The following RBM33 variants were observed in gnomAD, a reference collection of about 807,000 sequenced individuals.
The protein encoded by RBM33 is RNA-binding protein 33.
RBM33 carries 28 observed loss-of-function variants against 132.6 expected under a neutral mutation model. The ratio of observed to expected loss-of-function variants is 0.21; its 90% CI spans 0.16 to 0.29. The LOEUF (loss-of-function observed/expected upper bound fraction) is 0.29, where lower values mean the gene tolerates loss of function less well. Ranked by LOEUF, RBM33 falls within the 10% of genes least tolerant of loss-of-function variation. The pLI is 1.00. For missense variants in RBM33, 1,291 were observed against 1,518.5 expected, an observed-to-expected ratio of 0.85 and a Z score of 2.49; for synonymous variants, 634 against 593.0, an observed-to-expected ratio of 1.07 and a Z score of -1.01.
At chr7:155,652,480 A>G (rs964871723) in intron 1 of RBM33, among the ~76,000 whole-genome samples, 3 of 152,246 alleles carry the variant, frequency 2.0e-5, no homozygotes, top group African/African-American at 7.2e-5. Context: ...CTAGAACCCT[A>G]TCACAAGCTA....
intron 5 of RBM33, among the ~76,000 whole-genome samples, chr7:155,685,764 C>A (rs1044154442): frequency 2.0e-5 from 3 of 152,196 alleles, no homozygotes; most frequent in African/African-American, 7.2e-5. Flanking sequence ...ACATGCAAGC[C>A]ACAAATCATT....
chr7:155,758,156 A>G (rs1385127151), intron 14 of RBM33, among the ~76,000 whole-genome samples: 1 of 152,238 alleles, frequency 6.6e-6, no homozygotes, highest in African/African-American at 2.4e-5. Flanking sequence ...TAGACATTCA[A>G]CAGATATGAG....
chr7:155,699,925 A>G (rs967685760), intron 5 of RBM33, among the ~76,000 whole-genome samples: 1 of 152,242 alleles, frequency 6.6e-6, no homozygotes, highest in African/African-American at 2.4e-5. Flanking sequence ...GATAAAAAGT[A>G]TCTAAATTAA....
intron 16 of RBM33, among the ~76,000 whole-genome samples, chr7:155,770,094 A>G (rs1802366868): frequency 6.6e-6 from 1 of 152,194 alleles, no homozygotes; most frequent in Non-Finnish European, 1.5e-5. Context: ...TTAAAATTAA[A>G]CCAGAGCAAA....
At chr7:155,749,756 C>T (rs1422916405) in intron 14 of RBM33, among the ~76,000 whole-genome samples, 2 of 152,234 alleles carry the variant, frequency 1.3e-5, no homozygotes, top group Non-Finnish European at 1.5e-5. Context: ...TGGCGAGTGG[C>T]TGGGGTTCCA....
At position 155,745,389 on chromosome 7, in the gene RBM33, T is replaced by C. The variant is rs776662166; in HGVS notation, c.2766T>C (p.Ser922=). Residue 922 remains serine (S), a synonymous_variant, in exon 14 of 18, where the codon AGT becomes AGC. Transcript: ENST00000401878. This position sits in a 1 kb window ranked among gnomAD's most constrained non-coding sequence, Gnocchi z 4.1. ...GACAGACCAGAACAGTTCCTCAAAG[T>C]CAGACTCAGCCGCTGCATAAAGTGC... is the stretch of plus-strand genomic sequence containing the variant. ...HLRQTRTVPQ[S]QTQPLHKVLP... 3 of 1,613,330 alleles carry C rather than the reference T, an allele frequency of 1.9e-6. No individual in the cohort carries two copies. The highest frequency in any genetic ancestry group is 1.7e-5 in the Admixed American group (1 of 59,932).
At chr7:155,746,224 A>T (rs1801512261) in intron 14 of RBM33, among the ~76,000 whole-genome samples, 2 of 152,172 alleles carry the variant, frequency 1.3e-5, no homozygotes, top group African/African-American at 4.8e-5. Context: ...CCTTTACACA[A>T]ATCATTTGTG....
intron 5 of RBM33, among the ~76,000 whole-genome samples, chr7:155,684,418 C>T (rs1366202219): frequency 2.6e-5 from 4 of 152,148 alleles, no homozygotes; most frequent in Non-Finnish European, 5.9e-5. Context: ...CTTGCTAATA[C>T]GCCCCTTAAG....
chr7:155,647,524 G>A (rs1236424223), intron 1 of RBM33, among the ~76,000 whole-genome samples: 1 of 151,986 alleles, frequency 6.6e-6, no homozygotes, highest in Non-Finnish European at 1.5e-5. Flanking sequence ...TTGGACTCCT[G>A]GGCTCAGTTG....
Position 155,777,298 on chromosome 7 carries a change from G to T in RBM33, c.*2257G>T, listed in dbSNP as rs998647331. On this transcript the variant is annotated 3_prime_UTR_variant, in exon 18 of 18. Transcript: ENST00000401878. ...CTCTAACTGTCTACACGTGCACATA[G>T]GCAGACTTTCTCATAGAATGTTCTT... 5.2e-5 allele frequency: 8 copies of T among 152,464 alleles called. No individual in the cohort carries two copies. The highest frequency in any genetic ancestry group is 1.9e-4 in the African/African-American group (8 of 41,406). 9.4% of individuals were successfully genotyped at this position (152,464 alleles called of 1,614,324 possible). A position where few individuals can be genotyped will look rare whatever the true frequency, so the allele number is the denominator to read the frequency against.
chr7:155,707,180 G>A (rs1800141582), intron 7 of RBM33, 112 bp downstream of exon 7: 1 of 950,572 alleles, frequency 1.1e-6, no homozygotes, highest in African/African-American at 1.6e-5. Context: ...TGAAAGGTTA[G>A]TAGCAGGGGT....
intron 3 of RBM33, among the ~76,000 whole-genome samples, chr7:155,673,952 T>TTG (rs1799099088): frequency 4.3e-5 from 5 of 116,026 alleles, no homozygotes; most frequent in African/African-American, 1.3e-4. Flanking sequence ...TTTTTTTTTT[T>TTG]TTTTTTTTTT....
chr7:155,692,689 T>C (rs1469564422), intron 5 of RBM33, among the ~76,000 whole-genome samples: 2 of 152,184 alleles, frequency 1.3e-5, no homozygotes. Flanking sequence ...TCTTACAGCT[T>C]CCGTGAAATG....
At chr7:155,773,528 A>AT (rs1358719441) in intron 16 of RBM33, among the ~76,000 whole-genome samples, 2 of 134,896 alleles carry the variant, frequency 1.5e-5, no homozygotes, top group African/African-American at 5.6e-5. Flanking sequence ...AGATCCTGCC[A>AT]TTGCACACCA....
chr7:155,747,867 T>G (rs554020681), intron 14 of RBM33, among the ~76,000 whole-genome samples: 1 of 152,370 alleles, frequency 6.6e-6, no homozygotes, highest in African/African-American at 2.4e-5. Flanking sequence ...GTTTTTTGTT[T>G]TTTTGTGGGT....
chr7:155,700,690 A>T, intron 5 of RBM33, 83 bp from the exon 6 acceptor site: 1 of 1,046,164 alleles, frequency 9.6e-7, no homozygotes, highest in Non-Finnish European at 1.4e-6. Context: ...ATAAACAATT[A>T]AATATTTTAG....
chr7:155,690,799 ACT>A (rs1172586379), intron 5 of RBM33, among the ~76,000 whole-genome samples: 1 of 151,742 alleles, frequency 6.6e-6, no homozygotes, highest in Non-Finnish European at 1.5e-5. Context: ...ATTGGACCCC[ACT>A]CTCTTCTGGC....
rs966686626 is a variant in RBM33, at chr7:155,774,911, G to A, written c.3465-82G>A. On this transcript the variant is annotated intron_variant, in intron 17 of 17. Transcript: ENST00000401878. This position sits in a 1 kb window ranked among gnomAD's most constrained non-coding sequence, Gnocchi z 4.2. ...GTTTTTATTAAACAGGACCCACCGGGCTCTTTTAGTTTCCTCCCACCTTGG... is the reference window on the plus strand; with the variant it reads ...GTTTTTATTAAACAGGACCCACCGGACTCTTTTAGTTTCCTCCCACCTTGG... 5.6e-6 allele frequency: 7 copies of A among 1,257,796 alleles called. No homozygotes were observed. In the African/African-American group the frequency reaches 5.9e-5, roughly 11 times the overall value. 77.9% of individuals were successfully genotyped at this position (1,257,796 alleles called of 1,614,324 possible). A position where few individuals can be genotyped will look rare whatever the true frequency, so the allele number is the denominator to read the frequency against.
At chr7:155,708,232 G>A (rs1396602895) in intron 7 of RBM33, among the ~76,000 whole-genome samples, 2 of 152,184 alleles carry the variant, frequency 1.3e-5, no homozygotes, top group African/African-American at 4.8e-5. Context: ...GAGTAGGTAG[G>A]CATACACAAT....
Sources: gnomAD v4.1 joint callset for allele counts (sites outside exome capture counted in the v4.1 genomes callset) on GRCh38, gnomAD v4.1.1 for gene constraint, Gnocchi (gnomAD v3.1) non-coding constraint, MANE v1.5 for transcripts, NCBI Gene and HGNC (gene_info 2026-07-23, HGNC 2026-07-21) for gene names.